The following MALL variants were observed in gnomAD, a reference collection of about 807,000 sequenced individuals.
The protein encoded by MALL is MAL-like protein.
A neutral mutation model predicts 10.3 loss-of-function variants in MALL; 2 were observed. That is an observed-to-expected ratio of 0.19 (90% CI 0.08 to 0.61). MALL has a LOEUF of 0.61. MALL is among the 20% of genes least tolerant of loss of function. The probability of loss-of-function intolerance (pLI) is 0.88; values close to 1 mark genes in which losing one functional copy is unlikely to be tolerated. For synonymous variants in MALL, 27 were observed against 51.8 expected (o/e 0.52, Z 2.05); for missense variants, 39 against 115.2 (o/e 0.34, Z 3.03).
Position 110,097,479 on chromosome 2 carries a change from G to C in MALL, c.106-5709C>G, listed in dbSNP as rs537180228. ...GAAGAGATAAGGAGGATGGCCTTTG[G>C]GTAGAGTGGATCTGCTCACCTGCAC... is the stretch of plus-strand genomic sequence containing the variant. On this transcript the variant is annotated intron_variant, in intron 1 of 3. Transcript: ENST00000272462. 5.7e-5 allele frequency: 26 copies of C among 456,608 alleles called. 3 individuals are homozygous for C. Among genetic ancestry groups the C allele is most frequent in the South Asian group, 3.7e-4 (24 of 64,552 alleles). The allele number at this position is 456,608 out of a possible 1,614,324, so 28.3% of individuals were successfully genotyped here.
chr2:110,115,506 C>T (rs1176511518), intron 1 of MALL, among the ~76,000 whole-genome samples, 182 bp downstream of exon 1: 1 of 151,620 alleles, frequency 6.6e-6, no homozygotes, highest in Non-Finnish European at 1.5e-5. Context: ...TCTCTCTCGG[C>T]GCGGTCCGGT....
chr2:110,102,425 T>G (rs1226323866), intron 1 of MALL, among the ~76,000 whole-genome samples: 1 of 152,184 alleles, frequency 6.6e-6, no homozygotes, highest in Non-Finnish European at 1.5e-5. Context: ...GAGGCAGGAC[T>G]GTGTGCCCTG....
At chr2:110,115,884 C>T (rs1678909334), upstream of MALL, 1 of 463,784 alleles carries the variant, frequency 2.2e-6, no homozygotes, top group Admixed American at 4.8e-5. Context: ...TCGGACGTCG[C>T]CTGGGAGGGA....
intron 1 of MALL, among the ~76,000 whole-genome samples, chr2:110,098,610 A>T (rs1000260220): frequency 6.6e-6 from 1 of 152,180 alleles, no homozygotes; most frequent in Non-Finnish European, 1.5e-5. Context: ...TTATCCACTC[A>T]TTTGCTTATA....
At chr2:110,110,699 C>T (rs1678785794) in intron 1 of MALL, among the ~76,000 whole-genome samples, 1 of 151,996 alleles carries the variant, frequency 6.6e-6, no homozygotes. Flanking sequence ...AATGAAGGAA[C>T]CCTCCCTAAT....
chr2:110,100,766 C>T (rs1678547345), intron 1 of MALL, among the ~76,000 whole-genome samples: 1 of 152,136 alleles, frequency 6.6e-6, no homozygotes, highest in South Asian at 2.1e-4. Flanking sequence ...CTGGCGGCTG[C>T]AGCAGGAGCC....
At chr2:110,106,853 A>G (rs1014053375) in intron 1 of MALL, among the ~76,000 whole-genome samples, 4 of 152,166 alleles carry the variant, frequency 2.6e-5, no homozygotes, top group African/African-American at 4.8e-5. Context: ...AAATGACGGC[A>G]AAGCCAGACC....
chr2:110,104,857 A>G (rs1286239063), intron 1 of MALL, among the ~76,000 whole-genome samples: 2 of 152,178 alleles, frequency 1.3e-5, no homozygotes, highest in African/African-American at 4.8e-5. Context: ...GTATGCCCCT[A>G]AGAGCAGAGC....
At chr2:110,107,421 TC>T (rs751555870) in intron 1 of MALL, among the ~76,000 whole-genome samples, 11 of 151,770 alleles carry the variant, frequency 7.2e-5, no homozygotes, top group Admixed American at 1.3e-4. Context: ...CTGCCAGCTT[TC>T]CCCCACTTCC....
chr2:110,099,806 G>A (rs1039639817), intron 1 of MALL, among the ~76,000 whole-genome samples: 7 of 152,132 alleles, frequency 4.6e-5, no homozygotes, highest in African/African-American at 1.7e-4. Flanking sequence ...TGAACCTGGA[G>A]CTATGAAATG....
At chr2:110,096,268 T>C (rs1314528621) in intron 1 of MALL, among the ~76,000 whole-genome samples, 1 of 152,118 alleles carries the variant, frequency 6.6e-6, no homozygotes, top group Non-Finnish European at 1.5e-5. Flanking sequence ...TGAGGCCAGC[T>C]CTCTGCTTCT....
intron 1 of MALL, among the ~76,000 whole-genome samples, chr2:110,096,710 TAC>T (rs61332655): frequency 0.023 from 3,283 of 140,372 alleles, 41 homozygotes; most frequent in African/African-American, 0.039. Flanking sequence ...AAAATGTACC[TAC>T]ACACACACAC....
In MALL at chr2:110,115,822, C is replaced by A. The variant is rs1263306323; in HGVS notation, c.-30G>T. ...TCAGCCCCTGCCGGGTGCTCCGCGG[C>A]AGCTCGCCCGCGCGCAGCCTGTCAA... On this transcript the variant is annotated 5_prime_UTR_variant, in exon 1 of 4. Coordinates refer to ENST00000272462, the MANE Select transcript of MALL (RefSeq NM_005434.5). The A allele has an allele frequency of 9.0e-7, 1 of 1,109,460 alleles. No individual in the cohort carries two copies. The highest frequency in any genetic ancestry group is 1.6e-5 in the African/African-American group (1 of 61,862). The allele number at this position is 1,109,460 out of a possible 1,614,324, so 68.7% of individuals were successfully genotyped here.
chr2:110,096,072 G>A (rs981004281), intron 1 of MALL, among the ~76,000 whole-genome samples: 2 of 152,164 alleles, frequency 1.3e-5, no homozygotes, highest in East Asian at 1.9e-4. Context: ...GGGGCAAAGA[G>A]CTTCTCAAAT....
At chr2:110,117,630 A>G (rs866533508), upstream of MALL, among the ~76,000 whole-genome samples, 1 of 94,640 alleles carries the variant, frequency 1.1e-5, no homozygotes, top group African/African-American at 3.9e-5. Flanking sequence ...TGTGTGAGAG[A>G]GAGAGAGAGA....
intron 1 of MALL, among the ~76,000 whole-genome samples, chr2:110,106,909 G>A (rs1020555319): frequency 1.3e-5 from 2 of 152,186 alleles, no homozygotes; most frequent in African/African-American, 4.8e-5. Flanking sequence ...ATTGACATAG[G>A]CCACAGCTTG....
rs1173409101 is a variant in MALL, at chr2:110,092,722, A to ATAC, written c.106-953_106-952insGTA. Reference sequence around the variant, plus strand: ...AAGTATAATAATAATAATAATAATAATAATAATAATAATAAAGAAATGCTT... The same window carrying ATAC: ...AAGTATAATAATAATAATAATAATAATACTAATAATAATAATAAAGAAATGCTT... On this transcript the variant is annotated intron_variant, in intron 1 of 3. Coordinates refer to ENST00000272462, the MANE Select transcript of MALL (RefSeq NM_005434.5). Among the ~76,000 whole-genome samples the ATAC allele has an allele frequency of 4.5e-5, 6 of 133,108 alleles. 2 individuals are homozygous for ATAC. The highest frequency in any genetic ancestry group is 1.0e-4 in the Non-Finnish European group (6 of 58,208). The allele number at this position is 133,108 out of a possible 152,430, so 87.3% of individuals were successfully genotyped here.
At chr2:110,108,254 A>C (rs1283728557) in intron 1 of MALL, among the ~76,000 whole-genome samples, 3 of 152,160 alleles carry the variant, frequency 2.0e-5, no homozygotes, top group African/African-American at 7.2e-5. Context: ...GACCAGAAAA[A>C]TGTGAAGCCC....
chr2:110,104,903 C>G (rs960189639), intron 1 of MALL, among the ~76,000 whole-genome samples: 9 of 152,216 alleles, frequency 5.9e-5, no homozygotes, highest in Non-Finnish European at 1.3e-4. Context: ...TCAATAAACA[C>G]TTGTTGACTT....
Sources: allele counts gnomAD v4.1 joint callset (sites outside exome capture counted in the v4.1 genomes callset), GRCh38; gene constraint gnomAD v4.1.1; transcripts MANE v1.5; gene names NCBI Gene and HGNC (gene_info 2026-07-23, HGNC 2026-07-21).